The following NRG3 variants were observed in gnomAD, a reference collection of about 807,000 sequenced individuals.
NRG3 encodes the protein pro-neuregulin-3, membrane-bound isoform.
A neutral mutation model predicts 66.9 loss-of-function variants in NRG3; 31 were observed. The observed-to-expected ratio is 0.46, with a 90% CI of 0.35 to 0.63. NRG3 has a LOEUF of 0.63. NRG3 is among the 20% of genes least tolerant of loss of function. The pLI, the probability that NRG3 is intolerant of heterozygous loss-of-function variation, is 0.00. For synonymous variants in NRG3, 393 were observed against 359.4 expected, an observed-to-expected ratio of 1.09 and a Z score of -1.06; for missense variants, 910 against 878.9, an observed-to-expected ratio of 1.04 and a Z score of -0.45.
intron 4 of NRG3, among the ~76,000 whole-genome samples, chr10:82,944,267 A>G (rs1416184673): frequency 6.6e-6 from 1 of 152,230 alleles, no homozygotes; most frequent in South Asian, 2.1e-4. Context: ...CATACTGCAT[A>G]AATGTTATGT....
chr10:82,679,953 A>G (rs1474325406), intron 2 of NRG3, among the ~76,000 whole-genome samples: 1 of 152,190 alleles, frequency 6.6e-6, no homozygotes, highest in East Asian at 1.9e-4. Context: ...TGATATCAAA[A>G]TATCTATTTT....
chr10:82,250,347 G>A (rs939246923), intron 1 of NRG3, among the ~76,000 whole-genome samples: 1 of 152,164 alleles, frequency 6.6e-6, no homozygotes, highest in Non-Finnish European at 1.5e-5. Context: ...CACTTTGGGA[G>A]GCTGAGGCAG....
chr10:82,281,238 A>G (rs929077434), intron 1 of NRG3, among the ~76,000 whole-genome samples: 2 of 152,134 alleles, frequency 1.3e-5, no homozygotes, highest in African/African-American at 2.4e-5. Flanking sequence ...GGGATGAGGT[A>G]TGGTCTTCTG....
At chr10:82,410,695 T>A (rs1161778509) in intron 2 of NRG3, among the ~76,000 whole-genome samples, 1 of 151,954 alleles carries the variant, frequency 6.6e-6, no homozygotes. Context: ...AAAGGGCAAA[T>A]GTTTGTGATA....
intron 2 of NRG3, among the ~76,000 whole-genome samples, chr10:82,516,591 A>G (rs1411735219): frequency 6.6e-6 from 1 of 152,196 alleles, no homozygotes; most frequent in Non-Finnish European, 1.5e-5. Flanking sequence ...GAGGATGTCA[A>G]AGTAACCCAT....
intron 6 of NRG3, among the ~76,000 whole-genome samples, chr10:82,972,470 C>G (rs746510189): frequency 4.6e-5 from 7 of 152,164 alleles, no homozygotes; most frequent in African/African-American, 1.7e-4. Context: ...ATATCTTCCA[C>G]TCCTTCCTCC....
intron 1 of NRG3, among the ~76,000 whole-genome samples, chr10:81,965,735 G>A (rs1393818361): frequency 6.6e-6 from 1 of 152,058 alleles, no homozygotes; most frequent in Non-Finnish European, 1.5e-5. Flanking sequence ...TGAATTTTTT[G>A]TATGTTGACC....
chr10:82,629,635 G>A (rs1221288245), intron 2 of NRG3, among the ~76,000 whole-genome samples: 1 of 152,180 alleles, frequency 6.6e-6, no homozygotes, highest in Non-Finnish European at 1.5e-5. Flanking sequence ...GGATGTATAT[G>A]CTTGAGTTAA....
At chr10:82,270,726 G>A (rs1270138408) in intron 1 of NRG3, among the ~76,000 whole-genome samples, 2 of 152,026 alleles carry the variant, frequency 1.3e-5, no homozygotes, top group East Asian at 1.9e-4. Flanking sequence ...GAATTCTGGG[G>A]CCACATCTAC....
chr10:81,967,600 T>C (rs1439881718), intron 1 of NRG3, among the ~76,000 whole-genome samples: 1 of 152,130 alleles, frequency 6.6e-6, no homozygotes, highest in African/African-American at 2.4e-5. Context: ...TCTGTTGATT[T>C]CTTAGAAAGT....
At chr10:82,402,614 G>C (rs760372912) in intron 2 of NRG3, among the ~76,000 whole-genome samples, 6 of 152,130 alleles carry the variant, frequency 3.9e-5, no homozygotes, top group Non-Finnish European at 7.4e-5. Context: ...GGGACAGCCT[G>C]TGAATTGTGC....
At chr10:82,358,616 C>A in intron 1 of NRG3, 123 bp from the exon 2 acceptor site, 1 of 1,344,276 alleles carries the variant, frequency 7.4e-7, no homozygotes, top group Non-Finnish European at 1.0e-6. Flanking sequence ...AGCTGTCTGT[C>A]TAGAGTCCCA....
chr10:82,951,820 C>G (rs1849540657), intron 5 of NRG3, among the ~76,000 whole-genome samples: 1 of 152,160 alleles, frequency 6.6e-6, no homozygotes, highest in Non-Finnish European at 1.5e-5. Flanking sequence ...GATCATTCCT[C>G]TCAGTGACCA....
chr10:82,054,073 C>T (rs1334361388), intron 1 of NRG3, among the ~76,000 whole-genome samples: 2 of 151,988 alleles, frequency 1.3e-5, no homozygotes, highest in African/African-American at 4.8e-5. Context: ...CATACAGAGG[C>T]CTTAAGAGTG....
intron 1 of NRG3, among the ~76,000 whole-genome samples, chr10:81,918,825 C>CAAAAAAA (rs754495264): frequency 6.9e-6 from 1 of 145,096 alleles, no homozygotes; most frequent in African/African-American, 2.8e-5. Flanking sequence ...TTGCAAAAAA[C>CAAAAAAA]AAAAACAAAC....
intron 2 of NRG3, among the ~76,000 whole-genome samples, chr10:82,608,210 T>TTTA (rs2048089918): frequency 6.6e-6 from 1 of 152,140 alleles, no homozygotes; most frequent in Non-Finnish European, 1.5e-5. Context: ...TTTAGCTTGG[T>TTTA]GGGTTTTTTG....
chr10:82,631,207 A>G (rs1230538873), intron 2 of NRG3, among the ~76,000 whole-genome samples: 2 of 152,194 alleles, frequency 1.3e-5, no homozygotes, highest in Non-Finnish European at 2.9e-5. Context: ...GGAAGGAGGT[A>G]GAAATGTCTC....
chr10:82,727,975 C>T (rs2057696617), intron 2 of NRG3, among the ~76,000 whole-genome samples: 1 of 152,158 alleles, frequency 6.6e-6, no homozygotes, highest in African/African-American at 2.4e-5. Flanking sequence ...GGATTTTGGA[C>T]TTGCATGGGA....
intron 1 of NRG3, among the ~76,000 whole-genome samples, chr10:82,116,865 C>CGGTACTCTT (rs1386922101): frequency 1.3e-5 from 2 of 152,122 alleles, no homozygotes; most frequent in African/African-American, 4.8e-5. Context: ...GAGATTTCTT[C>CGGTACTCTT]GGTACTCTTC....
Sources: allele counts gnomAD v4.1 joint callset (sites outside exome capture counted in the v4.1 genomes callset), GRCh38; gene constraint gnomAD v4.1.1; transcripts MANE v1.5; gene names NCBI Gene and HGNC (gene_info 2026-07-23, HGNC 2026-07-21).